The following SLC26A11 variants were observed in gnomAD, a reference collection of about 807,000 sequenced individuals.
SLC26A11 encodes sodium-independent sulfate anion transporter.
A neutral mutation model predicts 62.2 loss-of-function variants in SLC26A11; 58 were observed. The observed-to-expected ratio is 0.93, with a 90% CI of 0.76 to 1.16. SLC26A11 has a LOEUF of 1.16. SLC26A11 is among the 50% of genes most tolerant of loss of function. The probability of loss-of-function intolerance (pLI) is 0.00; values close to 1 mark genes in which losing one functional copy is unlikely to be tolerated. For synonymous variants in SLC26A11, 411 were observed against 368.9 expected (o/e 1.11, Z -1.31); for missense variants, 790 against 794.3 (o/e 0.99, Z 0.06).
At chr17:80,248,368 G>C (rs915584237) in intron 14 of SLC26A11, 111 bp downstream of exon 14, 2 of 1,439,548 alleles carry the variant, frequency 1.4e-6, no homozygotes, top group Non-Finnish European at 1.8e-6. Context: ...TGCTGAAGGG[G>C]ACCGCTCGCT....
At chr17:80,245,666 T>G (rs1347021470) in intron 11 of SLC26A11, among the ~76,000 whole-genome samples, 1 of 152,192 alleles carries the variant, frequency 6.6e-6, no homozygotes, top group Admixed American at 6.5e-5. Context: ...TCCTAGCTCC[T>G]GGTGCCAGAG....
chr17:80,224,330 AGTGAGAGTGTGAGAGTGGGTGTGGGTGT>A (rs2042325692), intron 5 of SLC26A11, among the ~76,000 whole-genome samples: 2 of 142,494 alleles, frequency 1.4e-5, no homozygotes, highest in African/African-American at 5.4e-5. Flanking sequence ...AGTGTGTATG[AGTGAGAGTGTGAGAGTGGGTGTGGGTGT>A]GAGGGAGTGT....
chr17:80,248,814 C>T (rs1256486150), intron 15 of SLC26A11, 140 bp downstream of exon 15: 6 of 881,236 alleles, frequency 6.8e-6, no homozygotes, highest in East Asian at 2.7e-5. Context: ...TGGGCTGGAC[C>T]GTCCTCTGTG....
intron 5 of SLC26A11, 72 bp from the exon 6 acceptor site, chr17:80,225,765 G>A (rs1020273067): frequency 7.5e-7 from 1 of 1,329,400 alleles, no homozygotes; most frequent in Non-Finnish European, 1.1e-6. Context: ...AGGGGAGGTG[G>A]GCGGGGAGCT....
Position 80,227,963 on chromosome 17 carries a change from G to A in SLC26A11, c.736+3G>A, listed in dbSNP as rs769237581. The A allele has an allele frequency of 1.9e-6, 3 of 1,599,444 alleles. No homozygotes were observed. Among genetic ancestry groups the A allele is most frequent in the Non-Finnish European group, 1.7e-6 (2 of 1,179,318 alleles). ...GCTGGTCTGGGCTGCCACGACAGGT[G>A]AGGGGCCTCTGGCTGACATCTTATG... On this transcript the variant is annotated splice_donor_region_variant and intron_variant, in intron 7 of 17. Transcript: ENST00000361193.
intron 16 of SLC26A11, among the ~76,000 whole-genome samples, chr17:80,250,685 G>T (rs2043132985): frequency 1.3e-5 from 2 of 151,798 alleles, no homozygotes; most frequent in Non-Finnish European, 2.9e-5. Flanking sequence ...AAATTAGACG[G>T]GCATGGTGGC....
intron 7 of SLC26A11, among the ~76,000 whole-genome samples, chr17:80,235,116 C>T (rs956624481): frequency 5.3e-5 from 8 of 152,124 alleles, no homozygotes; most frequent in Admixed American, 2.0e-4. Flanking sequence ...TCCCAAAGTG[C>T]TGGGATTACA....
intron 7 of SLC26A11, among the ~76,000 whole-genome samples, chr17:80,233,528 T>C (rs2042613216): frequency 1.3e-5 from 2 of 151,834 alleles, no homozygotes; most frequent in South Asian, 4.2e-4. Context: ...TCCTTCTACC[T>C]GAAGGATGTT....
Position 80,246,427 on chromosome 17 carries a change from C to G in SLC26A11, c.1154-82C>G. ...TACCCCCACCCCTGTCCCCAGTGGGCTCTGCTGAACAAGAGGCTGCTACGC... is the reference window on the plus strand; with the variant it reads ...TACCCCCACCCCTGTCCCCAGTGGGGTCTGCTGAACAAGAGGCTGCTACGC... On this transcript the variant is annotated intron_variant, in intron 12 of 17. Coordinates refer to ENST00000361193, the MANE Select transcript of SLC26A11 (RefSeq NM_001166347.2). This position sits in a 1 kb window ranked among gnomAD's most constrained non-coding sequence, Gnocchi z 4.4. 1 of 1,572,918 alleles carries G rather than the reference C, an allele frequency of 6.4e-7. No individual in the cohort carries two copies. The highest frequency in any genetic ancestry group is 8.6e-7 in the Non-Finnish European group (1 of 1,161,698).
intron 7 of SLC26A11, among the ~76,000 whole-genome samples, chr17:80,234,172 T>G (rs1351262705): frequency 6.6e-6 from 1 of 152,112 alleles, no homozygotes; most frequent in African/African-American, 2.4e-5. Flanking sequence ...GCCCGGCTAA[T>G]TTTTGTACTT....
At chr17:80,225,989 C>A in intron 6 of SLC26A11, 73 bp downstream of exon 6, 1 of 1,387,404 alleles carries the variant, frequency 7.2e-7, no homozygotes. Context: ...GCCCCCACCT[C>A]AGTTTCCCCA....
intron 10 of SLC26A11, among the ~76,000 whole-genome samples, chr17:80,243,461 G>C (rs549139932): frequency 5.3e-5 from 8 of 152,112 alleles, no homozygotes; most frequent in Admixed American, 5.2e-4. Flanking sequence ...GCAGTGGCAC[G>C]GTCTCGGCTT....
At position 80,227,929 on chromosome 17, in the gene SLC26A11, C is replaced by T; in HGVS notation, c.705C>T (p.Leu235=). The change falls in exon 7 of 18, where the codon CTC becomes CTT. Residue 235 remains leucine, a synonymous_variant. Coordinates refer to ENST00000361193, the MANE Select transcript of SLC26A11 (RefSeq NM_001166347.2). ...VHPEMPPGVR[L]SRGLVWAATT... is the part of the protein sequence containing the mutation. ...CCGAGATGCCCCCTGGTGTGCGGCTCAGCCGTGGGCTGGTCTGGGCTGCCA... is the reference window on the plus strand; with the variant it reads ...CCGAGATGCCCCCTGGTGTGCGGCTTAGCCGTGGGCTGGTCTGGGCTGCCA... 1 of 1,600,868 alleles carries T rather than the reference C, an allele frequency of 6.2e-7. No homozygotes were observed. The highest frequency in any genetic ancestry group is 8.5e-7 in the Non-Finnish European group (1 of 1,179,852).
chr17:80,245,347 GC>G, intron 11 of SLC26A11, 91 bp downstream of exon 11: 1 of 1,327,792 alleles, frequency 7.5e-7, no homozygotes, highest in Non-Finnish European at 1.1e-6. Context: ...TGACCCCGGC[GC>G]CCCGTCCTCC....
rs1168482928 is a variant in SLC26A11 at position 80,246,455 on chromosome 17, C to T, written c.1154-54C>T. The T allele has an allele frequency of 6.9e-6, 11 of 1,598,508 alleles. No individual in the cohort carries two copies. Among genetic ancestry groups the T allele is most frequent in the South Asian group, 3.3e-5 (3 of 90,908 alleles). ...TGCTGAACAAGAGGCTGCTACGCTG[C>T]GTGCTGGGGGGACCCTGCACTCCCG... is the stretch of plus-strand genomic sequence containing the variant. On this transcript the variant is annotated intron_variant, in intron 12 of 17. Transcript: ENST00000361193. The surrounding 1 kb of genome is among the most constrained non-coding windows in gnomAD (Gnocchi z 4.4).
chr17:80,239,895 C>T (rs1221602179), intron 9 of SLC26A11, among the ~76,000 whole-genome samples: 1 of 152,256 alleles, frequency 6.6e-6, no homozygotes, highest in African/African-American at 2.4e-5. Context: ...ATCCAGATCT[C>T]ATGTTTACAA....
At chr17:80,232,973 C>T (rs187840909) in intron 7 of SLC26A11, among the ~76,000 whole-genome samples, 64 of 152,218 alleles carry the variant, frequency 4.2e-4, no homozygotes, top group Non-Finnish European at 6.8e-4. Flanking sequence ...ACAGGCCAGG[C>T]GCAGTGGCTC....
chr17:80,225,775 T>G (rs1458135616), intron 5 of SLC26A11, 62 bp from the exon 6 acceptor site: 3 of 1,441,588 alleles, frequency 2.1e-6, no homozygotes, highest in Non-Finnish European at 2.9e-6. Flanking sequence ...GGCGGGGAGC[T>G]GGGGACAGAT....
At chr17:80,232,486 C>A (rs557091162) in intron 7 of SLC26A11, among the ~76,000 whole-genome samples, 18 of 152,276 alleles carry the variant, frequency 1.2e-4, no homozygotes, top group African/African-American at 4.3e-4. Flanking sequence ...AATTCTTGGC[C>A]TCAAGTGATC....
Sources: allele counts gnomAD v4.1 joint callset (sites outside exome capture counted in the v4.1 genomes callset), GRCh38; gene constraint gnomAD v4.1.1; non-coding constraint Gnocchi (gnomAD v3.1); transcripts MANE v1.5; gene names NCBI Gene and HGNC (gene_info 2026-07-23, HGNC 2026-07-21).